Variants in SBNO1 observed in about 807,000 individuals in gnomAD.
SBNO1 encodes the protein protein strawberry notch homolog 1.
In SBNO1, 23 loss-of-function variants were observed where a neutral mutation model predicts 173.6. That is an observed-to-expected ratio of 0.13 (90% CI 0.10 to 0.19). The LOEUF (loss-of-function observed/expected upper bound fraction) is 0.19. SBNO1 is among the 10% of genes least tolerant of loss of function. SBNO1 has a pLI of 1.00. For synonymous variants in SBNO1, 632 were observed against 571.5 expected (o/e 1.11, Z -1.51); for missense variants, 1,238 against 1,671.2 (o/e 0.74, Z 4.52).
In SBNO1 at chr12:123,320,530, C is replaced by T; in HGVS notation, c.2569G>A (p.Asp857Asn). 1 of 1,614,052 alleles carries T rather than the reference C, an allele frequency of 6.2e-7. No homozygotes were observed. Among genetic ancestry groups the T allele is most frequent in the South Asian group, 1.1e-5 (1 of 91,084 alleles). ...AVERAQQMKKDLLDKLEKLAE... is the reference protein window; with the variant it reads ...AVERAQQMKKNLLDKLEKLAE... ...AATTTTTCTAGCTTATCAAGCAGGT[C>T]TTTCTTCATCTGCTGAGCCCTTTCC... Residue 857 changes from aspartate to asparagine, a missense_variant, in exon 19 of 32, where the codon GAC becomes AAC. Physicochemically the swap from Asp to Asn is conservative, Grantham distance 23. Coordinates refer to ENST00000602398, the MANE Select transcript of SBNO1 (RefSeq NM_001167856.3).
Position 123,357,250 on chromosome 12 carries a change from C to T in SBNO1, c.1-6809G>A, listed in dbSNP as rs181826695. 3.0e-3 allele frequency among the ~76,000 whole-genome samples: 457 copies of T among 151,678 alleles called. 2 individuals carry two copies. Among genetic ancestry groups the T allele is most frequent in the Non-Finnish European group, 5.2e-3 (355 of 67,906 alleles). ...TCACTTGAGGTCAGGAGTTCGAGAC[C>T]TGACCAGCCTGGTCAACATAGTGAA... On this transcript the variant is annotated intron_variant, in intron 1 of 31. Transcript: ENST00000602398.
intron 30 of SBNO1, among the ~76,000 whole-genome samples, chr12:123,299,671 ACT>A (rs1372288032): frequency 8.9e-6 from 1 of 112,966 alleles, no homozygotes; most frequent in Non-Finnish European, 1.8e-5. Context: ...ACACAGCAAG[ACT>A]CTGTCTTCAA....
intron 20 of SBNO1, among the ~76,000 whole-genome samples, chr12:123,318,752 AAAG>A (rs1482691057): frequency 1.3e-5 from 2 of 151,814 alleles, no homozygotes; most frequent in Non-Finnish European, 2.9e-5. Flanking sequence ...AAAAAAAAAA[AAAG>A]AGTCTCTGGA....
At chr12:123,303,922 C>CTTTTTTTTT (rs11413728) in intron 29 of SBNO1, among the ~76,000 whole-genome samples, 9 of 100,464 alleles carry the variant, frequency 9.0e-5, no homozygotes, top group Non-Finnish European at 1.6e-4. Flanking sequence ...AATAAGTATT[C>CTTTTTTTTT]TTTTTTTTTT....
intron 5 of SBNO1, among the ~76,000 whole-genome samples, chr12:123,337,459 C>A (rs748761841): frequency 3.3e-5 from 5 of 152,096 alleles, no homozygotes; most frequent in Admixed American, 3.3e-4. Flanking sequence ...AAGGCAAGAT[C>A]GAGACAGCAT....
intron 1 of SBNO1, among the ~76,000 whole-genome samples, chr12:123,358,834 C>T (rs1304235925): frequency 6.6e-6 from 1 of 151,722 alleles, no homozygotes; most frequent in East Asian, 1.9e-4. Flanking sequence ...AGGTCTGACA[C>T]CACATCACTC....
chr12:123,352,795 C>T (rs1874035633), intron 1 of SBNO1, among the ~76,000 whole-genome samples: 1 of 152,028 alleles, frequency 6.6e-6, no homozygotes, highest in Admixed American at 6.6e-5. Context: ...GAAAAACAGA[C>T]ACCCCAAAGG....
chr12:123,292,341 G>A lies in SBNO1; in HGVS notation c.*3567C>T, dbSNP rs1474098430. The stretch of plus-strand genomic sequence containing the variant: ...GACCTTCCTCTTGACTGCTTGTCAA[G>A]AAAAGGATCCAGAGGGAACTTCTGC... On this transcript the variant is annotated 3_prime_UTR_variant, in exon 32 of 32. Coordinates refer to ENST00000602398, the MANE Select transcript of SBNO1 (RefSeq NM_001167856.3). 1 of 152,198 alleles carries A rather than the reference G, an allele frequency of 6.6e-6. No homozygotes were observed. The highest frequency in any genetic ancestry group is 2.4e-5 in the African/African-American group (1 of 41,444). 9.4% of individuals were successfully genotyped at this position (152,198 alleles called of 1,614,324 possible). A position where few individuals can be genotyped will look rare whatever the true frequency, so the allele number is the denominator to read the frequency against.
intron 1 of SBNO1, among the ~76,000 whole-genome samples, chr12:123,363,256 A>C (rs897745192): frequency 6.6e-6 from 1 of 152,334 alleles, no homozygotes; most frequent in East Asian, 1.9e-4. Context: ...TTGCAAAATT[A>C]ATGTCCCACT....
intron 4 of SBNO1, among the ~76,000 whole-genome samples, chr12:123,342,134 C>G (rs578092412): frequency 6.6e-6 from 1 of 152,010 alleles, no homozygotes. Flanking sequence ...GCTCATAATC[C>G]CAGCTACTTG....
rs1393849831 is a variant in SBNO1, at chr12:123,323,834, G to A, written c.1974-3C>T. On this transcript the variant is annotated splice_region_variant and splice_polypyrimidine_tract_variant and intron_variant, in intron 15 of 31. Transcript: ENST00000602398. The stretch of plus-strand genomic sequence containing the variant: ...CAATGAGTGACTGCAACACACCTCT[G>A]TAGGAGAGAAACAGTGACAATTACT... 2 of 1,588,084 alleles carry A rather than the reference G, an allele frequency of 1.3e-6. No individual in the cohort carries two copies. The highest frequency in any genetic ancestry group is 2.3e-5 in the East Asian group (1 of 43,796).
intron 20 of SBNO1, among the ~76,000 whole-genome samples, 153 bp downstream of exon 20, chr12:123,319,747 G>A (rs947828572): frequency 6.6e-5 from 10 of 151,532 alleles, no homozygotes; most frequent in African/African-American, 2.4e-4. Flanking sequence ...ATAAAAACAC[G>A]TACAATATTC....
intron 1 of SBNO1, among the ~76,000 whole-genome samples, chr12:123,355,774 C>G (rs891007106): frequency 4.6e-5 from 7 of 151,932 alleles, no homozygotes; most frequent in African/African-American, 1.5e-4. Flanking sequence ...CAGAGTGAGA[C>G]CCTGTCCCAA....
In SBNO1 at chr12:123,334,066, G is replaced by A. The variant is rs773586767; in HGVS notation, c.896C>T (p.Thr299Ile). Reference protein sequence around the residue: ...WLSALQLEAITYAAQQHETFL... With the variant: ...WLSALQLEAIIYAAQQHETFL... ...ATTATTGCTTACCTGGGCTGCATAT[G>A]TAATTGCCTCAAGCTGCAATGCTGA... Residue 299 changes from threonine to isoleucine, a missense_variant, in exon 7 of 32, where the codon ACA becomes ATA. This residue lies in a region of SBNO1 where 78 missense variants were observed against 103.3 expected (regional missense o/e 0.76). Transcript: ENST00000602398. The A allele has an allele frequency of 3.8e-6, 6 of 1,585,568 alleles. No homozygotes were observed. The Admixed American group carries it at 1.1e-4, about 29-fold the overall frequency.
chr12:123,312,567 C>A (rs1349975964), intron 24 of SBNO1, among the ~76,000 whole-genome samples: 2 of 151,930 alleles, frequency 1.3e-5, no homozygotes, highest in African/African-American at 4.8e-5. Context: ...CAAAAATTAG[C>A]CAGGTATGGT....
In SBNO1 at chr12:123,309,690, G is replaced by A. The variant is rs1381952518; in HGVS notation, c.3442+20C>T. ...CATTTTCCCTGGGGACATTGTGGGGGGGAAATTTTCCCTACTTACCTAAGA... is the reference window on the plus strand; with the variant it reads ...CATTTTCCCTGGGGACATTGTGGGGAGGAAATTTTCCCTACTTACCTAAGA... On this transcript the variant is annotated intron_variant, in intron 26 of 31. Transcript: ENST00000602398. 4 of 1,609,810 alleles carry A rather than the reference G, an allele frequency of 2.5e-6. No homozygotes were observed. The highest frequency in any genetic ancestry group is 3.4e-6 in the Non-Finnish European group (4 of 1,177,888).
In SBNO1 at chr12:123,364,097, T is replaced by C. The variant is rs1875773525; in HGVS notation, c.-1+604A>G. ...GCCCGCCGAGGCAGAACTAAGCGAG[T>C]CGCCTGGAGAGGCGTGAAGGGAGCC... On this transcript the variant is annotated intron_variant, in intron 1 of 31. Transcript: ENST00000602398. 5 of 985,034 alleles carry C rather than the reference T, an allele frequency of 5.1e-6. No homozygotes were observed. In the South Asian group the frequency reaches 2.4e-4, roughly 46 times the overall value. 61.0% of individuals were successfully genotyped at this position (985,034 alleles called of 1,614,324 possible).
chr12:123,301,637 G>A (rs900634940), intron 30 of SBNO1, among the ~76,000 whole-genome samples: 4 of 152,184 alleles, frequency 2.6e-5, no homozygotes, highest in Non-Finnish European at 4.4e-5. Context: ...GGGCACAGCA[G>A]GAAGAGCTCC....
At chr12:123,302,027 G>A (rs1056069469) in intron 30 of SBNO1, among the ~76,000 whole-genome samples, 3 of 149,436 alleles carry the variant, frequency 2.0e-5, no homozygotes, top group Non-Finnish European at 4.4e-5. Flanking sequence ...CACAACCTCC[G>A]CCTCCCGGGT....
Sources: gnomAD v4.1 joint callset for allele counts (sites outside exome capture counted in the v4.1 genomes callset) on GRCh38, gnomAD v4.1.1 for gene constraint, gnomAD v4.1.1 regional missense constraint, MANE v1.5 for transcripts, NCBI Gene and HGNC (gene_info 2026-07-23, HGNC 2026-07-21) for gene names.